PLAT: variants seen among roughly 807,000 people sequenced by gnomAD.
PLAT encodes the protein plasminogen activator, tissue type, also known as tissue-type plasminogen activator.
Under a neutral mutation model 74.9 loss-of-function variants are expected in PLAT, and 48 were observed. The observed-to-expected ratio is 0.64, with a 90% CI of 0.51 to 0.82. PLAT has a LOEUF of 0.82. PLAT is among the 40% of genes least tolerant of loss of function. The pLI, the probability that PLAT is intolerant of heterozygous loss-of-function variation, is 0.00. For missense variants in PLAT, 673 were observed against 736.2 expected, an observed-to-expected ratio of 0.91 and a Z score of 0.99; for synonymous variants, 307 against 294.4, an observed-to-expected ratio of 1.04 and a Z score of -0.44.
At position 42,200,832 on chromosome 8, in the gene PLAT, C is replaced by CT. The variant is rs939148071; in HGVS notation, c.-27+6661dup. 1.4e-3 allele frequency among the ~76,000 whole-genome samples: 212 copies of CT among 146,750 alleles called. 1 individual carries two copies. The South Asian group carries it at 0.017, about 12-fold the overall frequency. On this transcript the variant is annotated intron_variant, in intron 1 of 13. Coordinates refer to ENST00000220809, the MANE Select transcript of PLAT (RefSeq NM_000930.5). ...CTGTCTATGTGACACCCAATTGTAA[C>CT]TTTTTTTTTTTTTCTGAGATGGAGT...
rs1273767350 is a variant in PLAT at position 42,174,980 on chromosome 8, A to AT, written c.*1012dup. Among the ~76,000 whole-genome samples, 1 of 152,024 alleles carries AT rather than the reference A, an allele frequency of 6.6e-6. No homozygotes were observed. The highest frequency in any genetic ancestry group is 1.5e-5 in the Non-Finnish European group (1 of 68,004). On this transcript the variant is annotated 3_prime_UTR_variant, in exon 14 of 14. Coordinates refer to ENST00000220809, the MANE Select transcript of PLAT (RefSeq NM_000930.5). ...ATTCCCCAATCCCTCTTGCAACTGA[A>AT]TTCTACTACAAGTCTGCCCTTTTGT...
chr8:42,182,646 G>T (rs1805293590), intron 8 of PLAT, 73 bp downstream of exon 8: 2 of 1,180,508 alleles, frequency 1.7e-6, no homozygotes, highest in Admixed American at 2.3e-5. Context: ...TTGAGACATT[G>T]GATCTTCCCC....
chr8:42,181,994 A>C lies in PLAT; in HGVS notation c.832T>G (p.Cys278Gly). ...RNPDGDAKPW[C>G]HVLKNRRLTW... ...AGCCTGCGGTTCTTCAGCACGTGGC[A>C]CCAGGGCTTGGCATCCCCATCAGGA... Residue 278 changes from cysteine (C) to glycine (G), a missense_variant, in exon 9 of 14, where the codon TGC (cysteine) becomes GGC (glycine). Transcript: ENST00000220809. 1.2e-6 allele frequency: 2 copies of C among 1,611,376 alleles called. No homozygotes were observed. Among genetic ancestry groups the C allele is most frequent in the Non-Finnish European group, 1.7e-6 (2 of 1,177,454 alleles).
chr8:42,187,817 C>T, intron 5 of PLAT, 89 bp downstream of exon 5: 1 of 975,198 alleles, frequency 1.0e-6, no homozygotes, highest in South Asian at 1.4e-5. Flanking sequence ...ACCCCTGGCC[C>T]TGCCATCGCA....
chr8:42,178,905 C>T lies in PLAT; in HGVS notation c.1522G>A (p.Ala508Thr), dbSNP rs774851580. Residue 508 changes from alanine (A) to threonine (T), a missense_variant, in exon 13 of 14, where the codon GCC (alanine) becomes ACC (threonine). Coordinates refer to ENST00000220809, the MANE Select transcript of PLAT (RefSeq NM_000930.5). ...GCGCCACTCCTGGTTACCTGGCAGG[C>T]GTCGTGCAAGTTTGCCTGGGGCCCG... ...SGGPQANLHDACQGDSGGPLV... is the reference protein window; with the variant it reads ...SGGPQANLHDTCQGDSGGPLV... 30 of 1,612,936 alleles carry T rather than the reference C, an allele frequency of 1.9e-5. No homozygotes were observed. The highest frequency in any genetic ancestry group is 1.9e-4 in the Middle Eastern group (1 of 5,380).
chr8:42,182,134 C>G, intron 8 of PLAT, 112 bp from the exon 9 acceptor site: 1 of 649,134 alleles, frequency 1.5e-6, no homozygotes, highest in South Asian at 1.7e-5. Flanking sequence ...TGGGCTCAAG[C>G]AATCCTCCTG....
Position 42,179,735 on chromosome 8 carries a change from T to G in PLAT, c.1363+191A>C, listed in dbSNP as rs563004688. ...GAGGCCCTCATACTGTTGTGTCCTTTCCTGGCCTGCAGTGTCCCTGTGAGG... is the reference window on the plus strand; with the variant it reads ...GAGGCCCTCATACTGTTGTGTCCTTGCCTGGCCTGCAGTGTCCCTGTGAGG... On this transcript the variant is annotated intron_variant, in intron 12 of 13. Transcript: ENST00000220809. Among the ~76,000 whole-genome samples, 3 of 152,218 alleles carry G rather than the reference T, an allele frequency of 2.0e-5. No homozygotes were observed. In the South Asian group the frequency reaches 6.2e-4, roughly 32 times the overall value.
In PLAT at chr8:42,187,233, TCTATCATCTATCAC is replaced by T; in HGVS notation, c.539+151_539+164del. On this transcript the variant is annotated intron_variant, in intron 6 of 13. Coordinates refer to ENST00000220809, the MANE Select transcript of PLAT (RefSeq NM_000930.5). ...TCACCTATCATCTATCATCTATCAA[TCTATCATCTATCAC>T]CTATCATCTATTATCTGTCTATCAT... is the stretch of plus-strand genomic sequence containing the variant. 7.5e-6 allele frequency: 4 copies of T among 531,952 alleles called. 1 individual carries two copies. The highest frequency in any genetic ancestry group is 6.9e-5 in the South Asian group (2 of 29,126). The allele number at this position is 531,952 out of a possible 1,614,324, so 33.0% of individuals were successfully genotyped here. A position where few individuals can be genotyped will look rare whatever the true frequency, so the allele number is the denominator to read the frequency against.
chr8:42,197,285 G>A (rs1035145868), intron 1 of PLAT, among the ~76,000 whole-genome samples: 1 of 152,220 alleles, frequency 6.6e-6, no homozygotes, highest in Non-Finnish European at 1.5e-5. Flanking sequence ...ACCTGCATGT[G>A]CATCCTGCAG....
At chr8:42,195,950 C>T (rs1805888251) in intron 1 of PLAT, among the ~76,000 whole-genome samples, 1 of 152,224 alleles carries the variant, frequency 6.6e-6, no homozygotes, top group Non-Finnish European at 1.5e-5. Context: ...CCACCCAGCC[C>T]TCTCGATAGG....
At chr8:42,199,752 C>A (rs1272439982) in intron 1 of PLAT, among the ~76,000 whole-genome samples, 2 of 152,202 alleles carry the variant, frequency 1.3e-5, no homozygotes, top group Non-Finnish European at 2.9e-5. Context: ...CCTTCTGAAG[C>A]AAACACAAGG....
chr8:42,200,787 A>G (rs1338831316), intron 1 of PLAT, among the ~76,000 whole-genome samples: 1 of 149,186 alleles, frequency 6.7e-6, no homozygotes, highest in Admixed American at 6.7e-5. Context: ...CAAATCTAAC[A>G]CTCTTTCCAC....
rs753320550 is a variant in PLAT, at chr8:42,180,036, C to A, written c.1253G>T (p.Arg418Leu). Residue 418 changes from arginine to leucine, a missense_variant, in exon 12 of 14, where the codon CGC becomes CTC. Transcript: ENST00000220809. ...ALLQLKSDSS[R>L]CAQESSVVRT... is the part of the protein sequence containing the mutation. Reference sequence around the variant, plus strand: ...GACCACGCTGCTCTCCTGGGCACAGCGGGACGAATCCGATTTCAGCTGCAG... The same window carrying A: ...GACCACGCTGCTCTCCTGGGCACAGAGGGACGAATCCGATTTCAGCTGCAG... The A allele has an allele frequency of 3.1e-6, 5 of 1,608,492 alleles. No individual in the cohort carries two copies. The South Asian group carries it at 5.5e-5, about 18-fold the overall frequency.
rs1564126701 is a variant in PLAT at position 42,180,397 on chromosome 8, T to C, written c.1086-19A>G. On this transcript the variant is annotated intron_variant, in intron 10 of 13. Transcript: ENST00000220809. ...CGGAAACCTGGTGGAGAAACAGCCT[T>C]AGAATGCTTTTTTTGCTGTGGGATT... 1 of 1,614,084 alleles carries C rather than the reference T, an allele frequency of 6.2e-7. No individual in the cohort carries two copies. The highest frequency in any genetic ancestry group is 1.1e-5 in the South Asian group (1 of 91,080).
Position 42,182,701 on chromosome 8 carries a change from C to G in PLAT, c.803+18G>C, listed in dbSNP as rs370013834. On this transcript the variant is annotated intron_variant, in intron 8 of 13. Transcript: ENST00000220809. Reference sequence around the variant, plus strand: ...ACGTTCTGCCAAGACCTGAACCCCCCACCCCTGTGCTACCTACCGGCAGTA... The same window carrying G: ...ACGTTCTGCCAAGACCTGAACCCCCGACCCCTGTGCTACCTACCGGCAGTA... 8.2e-6 allele frequency: 13 copies of G among 1,584,426 alleles called. No homozygotes were observed. The highest frequency in any genetic ancestry group is 1.1e-5 in the South Asian group (1 of 87,902).
intron 1 of PLAT, among the ~76,000 whole-genome samples, chr8:42,194,794 A>ACCCCCCCCCCCCCCCCCCCC (rs8178720): frequency 1.6e-5 from 2 of 121,826 alleles, no homozygotes; most frequent in Non-Finnish European, 1.7e-5. Context: ...CTCCACGCCC[A>ACCCCCCCCCCCCCCCCCCCC]CCCCCCCCAC....
chr8:42,196,664 C>T (rs933980962), intron 1 of PLAT, among the ~76,000 whole-genome samples: 1 of 152,106 alleles, frequency 6.6e-6, no homozygotes, highest in Non-Finnish European at 1.5e-5. Flanking sequence ...CTGGGATGGA[C>T]TTTGGGCCTC....
At position 42,180,315 on chromosome 8, in the gene PLAT, C is replaced by T. The variant is rs570954622; in HGVS notation, c.1149G>A (p.Glu383=). ...ATTTTTCGACTTCAAATTTCTGCTC[C>T]TCCTCGCCAGGGACCACCCGGTATG... ...GRTYRVVPGE[E]EQKFEVEKYI... is the part of the protein sequence containing the mutation. The change falls in exon 11 of 14, where the codon GAG becomes GAA. Residue 383 remains glutamate, a synonymous_variant. Coordinates refer to ENST00000220809, the MANE Select transcript of PLAT (RefSeq NM_000930.5). The T allele has an allele frequency of 3.7e-6, 6 of 1,614,232 alleles. No individual in the cohort carries two copies. Among genetic ancestry groups the T allele is most frequent in the East Asian group, 4.5e-5 (2 of 44,882 alleles).
Position 42,184,863 on chromosome 8 carries a change from C to G in PLAT, c.631+218G>C, listed in dbSNP as rs934086065. The G allele has an allele frequency of 3.0e-4, 123 of 404,668 alleles. 1 individual carries two copies. The highest frequency in any genetic ancestry group is 2.2e-3 in the African/African-American group (108 of 48,818). The allele number at this position is 404,668 out of a possible 1,614,324, so 25.1% of individuals were successfully genotyped here. A position where few individuals can be genotyped will look rare whatever the true frequency, so the allele number is the denominator to read the frequency against. Reference sequence around the variant, plus strand: ...CTCCATAGAGGAGGAAATTGAGGGTCAGAGTGTGAGGAGATCAGCTCCAGG... The same window carrying G: ...CTCCATAGAGGAGGAAATTGAGGGTGAGAGTGTGAGGAGATCAGCTCCAGG... On this transcript the variant is annotated intron_variant, in intron 7 of 13. Coordinates refer to ENST00000220809, the MANE Select transcript of PLAT (RefSeq NM_000930.5).
Sources: gnomAD v4.1 joint callset for allele counts (sites outside exome capture counted in the v4.1 genomes callset) on GRCh38, gnomAD v4.1.1 for gene constraint, MANE v1.5 for transcripts, NCBI Gene and HGNC (gene_info 2026-07-23, HGNC 2026-07-21) for gene names.